PPARGC1B: variants seen among roughly 807,000 people sequenced by gnomAD.
PPARGC1B encodes the protein peroxisome proliferator-activated receptor gamma coactivator 1-beta.
Under a neutral mutation model 101.6 loss-of-function variants are expected in PPARGC1B, and 34 were observed. The ratio of observed to expected loss-of-function variants is 0.33; its 90% confidence interval spans 0.25 to 0.45. PPARGC1B has a LOEUF of 0.45. Ranked by LOEUF, PPARGC1B falls within the 20% of genes least tolerant of loss-of-function variation. PPARGC1B has a pLI of 1.00. For synonymous variants in PPARGC1B, 548 were observed against 539.3 expected (o/e 1.02, Z -0.22); for missense variants, 1,234 against 1,317.6 (o/e 0.94, Z 0.98).
intron 2 of PPARGC1B, among the ~76,000 whole-genome samples, chr5:149,823,786 G>A (rs1291692343): frequency 6.6e-6 from 1 of 152,126 alleles, no homozygotes; most frequent in African/African-American, 2.4e-5. Context: ...GGGAGAGGTC[G>A]GGAGAAGGAG....
intron 1 of PPARGC1B, among the ~76,000 whole-genome samples, chr5:149,764,724 A>C (rs970936281): frequency 2.6e-5 from 4 of 152,236 alleles, no homozygotes; most frequent in Non-Finnish European, 4.4e-5. Context: ...GGTACACATA[A>C]TTTATTGCTA....
At chr5:149,830,032 AAAAAAAAAAAAAAAAAAAAAAAG>A (rs1040087789) in intron 3 of PPARGC1B, among the ~76,000 whole-genome samples, 5 of 97,330 alleles carry the variant, frequency 5.1e-5, no homozygotes, top group African/African-American at 1.7e-4. Flanking sequence ...CTGCATCTCA[AAAAAAAAAAAAAAAAAAAAAAAG>A]AAAAAAAAAA....
At chr5:149,810,397 G>A (rs758054879) in intron 1 of PPARGC1B, among the ~76,000 whole-genome samples, 43 of 152,346 alleles carry the variant, frequency 2.8e-4, no homozygotes, top group Admixed American at 1.4e-3. Flanking sequence ...CCATGCTGCC[G>A]AAGGTGGGGT....
intron 1 of PPARGC1B, among the ~76,000 whole-genome samples, chr5:149,780,039 G>A (rs1756538263): frequency 6.6e-6 from 1 of 152,250 alleles, no homozygotes; most frequent in Non-Finnish European, 1.5e-5. Flanking sequence ...GGAGGTCTGA[G>A]TGAAAGGGCT....
At chr5:149,783,621 T>C (rs1013878123) in intron 1 of PPARGC1B, among the ~76,000 whole-genome samples, 1 of 152,160 alleles carries the variant, frequency 6.6e-6, no homozygotes, top group Non-Finnish European at 1.5e-5. Context: ...GGGAGGAAGA[T>C]ACCTGGATTC....
intron 1 of PPARGC1B, among the ~76,000 whole-genome samples, chr5:149,802,453 C>G (rs1029864669): frequency 1.3e-5 from 2 of 152,030 alleles, no homozygotes; most frequent in Non-Finnish European, 2.9e-5. Context: ...TGCTCCCACC[C>G]TGTCCCCATC....
intron 8 of PPARGC1B, among the ~76,000 whole-genome samples, chr5:149,838,867 C>T (rs1296600335): frequency 6.6e-6 from 1 of 152,214 alleles, no homozygotes; most frequent in Non-Finnish European, 1.5e-5. Context: ...ACCAAACACT[C>T]AGCAACAGAA....
intron 1 of PPARGC1B, among the ~76,000 whole-genome samples, chr5:149,806,882 T>C (rs1227020579): frequency 2.0e-5 from 3 of 152,062 alleles, no homozygotes; most frequent in African/African-American, 7.2e-5. Flanking sequence ...GCTGGAATTA[T>C]AGGCTTGAGC....
At chr5:149,817,730 G>C (rs769955178) in intron 1 of PPARGC1B, 3 of 456,734 alleles carry the variant, frequency 6.6e-6, no homozygotes, top group Non-Finnish European at 1.3e-5. Context: ...CCAAGTGTTG[G>C]AGAGGGTGCA....
intron 1 of PPARGC1B, among the ~76,000 whole-genome samples, chr5:149,738,682 A>G (rs1240658349): frequency 6.6e-6 from 1 of 151,466 alleles, no homozygotes; most frequent in African/African-American, 2.4e-5. Context: ...GGCTCACTGC[A>G]ACCTCCCGGG....
At chr5:149,739,044 G>A (rs571030543) in intron 1 of PPARGC1B, among the ~76,000 whole-genome samples, 114 of 152,318 alleles carry the variant, frequency 7.5e-4, no homozygotes, top group Non-Finnish European at 1.4e-3. Context: ...TCCTGGACTA[G>A]CAGTGTGGTT....
intron 1 of PPARGC1B, among the ~76,000 whole-genome samples, chr5:149,783,515 A>C (rs1561533997): frequency 6.6e-6 from 1 of 152,184 alleles, no homozygotes. Flanking sequence ...CACACCGTCC[A>C]GTCAGATGGG....
chr5:149,772,147 T>G lies in PPARGC1B; in HGVS notation c.78+41727T>G, dbSNP rs542760931. ...GCCGCCACCAGAGCAATGGTAGGTG[T>G]TGGGCCAGAGGTTGTTTAGGTGGCG... On this transcript the variant is annotated intron_variant, in intron 1 of 11. Coordinates refer to ENST00000309241, the MANE Select transcript of PPARGC1B (RefSeq NM_133263.4). 11 of 1,606,498 alleles carry G rather than the reference T, an allele frequency of 6.8e-6. No homozygotes were observed. In the East Asian group the frequency reaches 2.5e-4, roughly 36 times the overall value.
intron 2 of PPARGC1B, among the ~76,000 whole-genome samples, chr5:149,824,876 A>C (rs925817375): frequency 6.6e-6 from 1 of 152,222 alleles, no homozygotes; most frequent in African/African-American, 2.4e-5. Flanking sequence ...TCTAAAAATT[A>C]CAAACGCGTT....
chr5:149,818,562 C>T (rs1175568892), intron 1 of PPARGC1B, among the ~76,000 whole-genome samples: 5 of 152,140 alleles, frequency 3.3e-5, no homozygotes, highest in Admixed American at 6.5e-5. Context: ...GGATAAAAGC[C>T]TTTTTCCTGT....
At chr5:149,806,710 C>T (rs11167482) in intron 1 of PPARGC1B, among the ~76,000 whole-genome samples, 40,137 of 151,112 alleles carry the variant, frequency 0.27, 5,751 homozygotes, top group East Asian at 0.32. Context: ...TGGGTTCCAG[C>T]GATTCTCCCG....
At chr5:149,794,719 C>T (rs565099606) in intron 1 of PPARGC1B, among the ~76,000 whole-genome samples, 4 of 152,234 alleles carry the variant, frequency 2.6e-5, no homozygotes, top group Non-Finnish European at 5.9e-5. Flanking sequence ...CAGCCAGGCC[C>T]ATCCCCTGGC....
chr5:149,817,934 T>A (rs1758121698), intron 1 of PPARGC1B, among the ~76,000 whole-genome samples: 1 of 152,224 alleles, frequency 6.6e-6, no homozygotes, highest in Non-Finnish European at 1.5e-5. Context: ...GCAGACTTAC[T>A]AGAAATGGCC....
At chr5:149,806,625 T>G (rs1757610279) in intron 1 of PPARGC1B, among the ~76,000 whole-genome samples, 1 of 101,842 alleles carries the variant, frequency 9.8e-6, no homozygotes, top group Non-Finnish European at 2.2e-5. Flanking sequence ...TTTTTTTTTT[T>G]TGAGACAGTT....
Sources: allele counts gnomAD v4.1 joint callset (sites outside exome capture counted in the v4.1 genomes callset), GRCh38; gene constraint gnomAD v4.1.1; transcripts MANE v1.5; gene names NCBI Gene and HGNC (gene_info 2026-07-23, HGNC 2026-07-21).